Variants in KLF13 observed in about 807,000 individuals in gnomAD.
KLF13 encodes KLF transcription factor 13.
Under a neutral mutation model 16.7 loss-of-function variants are expected in KLF13, and 8 were observed. The ratio of observed to expected loss-of-function variants is 0.48; its 90% CI spans 0.28 to 0.87. The LOEUF is 0.87. KLF13 is among the 40% of genes least tolerant of loss of function. KLF13 has a pLI of 0.10. For missense variants in KLF13, 447 were observed against 452.2 expected, an observed-to-expected ratio of 0.99 and a Z score of 0.10; for synonymous variants, 245 against 208.4, an observed-to-expected ratio of 1.18 and a Z score of -1.51.
chr15:31,420,690 T>A (rs962320446), intron 1 of KLF13: 5 of 326,134 alleles, frequency 1.5e-5, no homozygotes, highest in Non-Finnish European at 2.9e-5. Context: ...CCTTTTTTTT[T>A]CTTTCTTTTT....
intron 1 of KLF13, among the ~76,000 whole-genome samples, chr15:31,346,353 G>A (rs951277128): frequency 1.9e-4 from 29 of 152,216 alleles, no homozygotes; most frequent in African/African-American, 7.0e-4. Context: ...AGCAGCTGCT[G>A]TCCTTCCCCT....
At position 31,394,312 on chromosome 15, in the gene KLF13, T is replaced by TA. The variant is rs1015154331; in HGVS notation, n.529+631dup. 9.6e-4 allele frequency among the ~76,000 whole-genome samples: 141 copies of TA among 147,376 alleles called. 2 individuals carry two copies. Among genetic ancestry groups the TA allele is most frequent in the African/African-American group, 2.0e-3 (81 of 40,276 alleles). On this transcript the variant is annotated intron_variant and non_coding_transcript_variant, in intron 2 of 2. Transcript: ENST00000500533. Reference sequence around the variant, plus strand: ...TAACACGGTGAAACCCCGTCTCTACTAAAAAAAAAATACAAAAACAAAAAA... The same window carrying TA: ...TAACACGGTGAAACCCCGTCTCTACTAAAAAAAAAAATACAAAAACAAAAAA...
At chr15:31,354,934 G>A (rs2039276746) in intron 1 of KLF13, among the ~76,000 whole-genome samples, 1 of 152,180 alleles carries the variant, frequency 6.6e-6, no homozygotes, top group South Asian at 2.1e-4. Context: ...AACAGTAAGT[G>A]TGAAGCAAAA....
At chr15:31,391,410 T>C (rs1308587461), upstream of KLF13, among the ~76,000 whole-genome samples, 5 of 31,762 alleles carry the variant, frequency 1.6e-4, no homozygotes, top group African/African-American at 6.8e-4. Context: ...TGTAGGGCTG[T>C]GGAGGGGGGA....
chr15:31,412,147 G>C (rs1440330499), intron 1 of KLF13, among the ~76,000 whole-genome samples: 3 of 152,168 alleles, frequency 2.0e-5, no homozygotes, highest in Non-Finnish European at 4.4e-5. Flanking sequence ...TTATAAAAAA[G>C]GCTCAAGGGA....
chr15:31,390,209 C>T (rs561126271), upstream of KLF13, among the ~76,000 whole-genome samples: 33 of 152,258 alleles, frequency 2.2e-4, no homozygotes, highest in African/African-American at 6.5e-4. Context: ...AGCACAGCCC[C>T]GGACTCCCTT....
intron 2 of KLF13, among the ~76,000 whole-genome samples, chr15:31,401,916 C>G (rs370331094): frequency 5.5e-4 from 84 of 152,310 alleles, no homozygotes; most frequent in African/African-American, 1.9e-3. Context: ...GAGTGGCACG[C>G]AAGCCTGCCT....
downstream of KLF13, chr15:31,404,779 G>C (rs548563073): frequency 1.3e-5 from 2 of 152,444 alleles, no homozygotes; most frequent in African/African-American, 2.4e-5. Flanking sequence ...CACTGTGAAG[G>C]TCCAGGACTT....
intron 1 of KLF13, among the ~76,000 whole-genome samples, chr15:31,433,725 G>T (rs1473089724): frequency 6.6e-6 from 1 of 151,748 alleles, no homozygotes; most frequent in East Asian, 1.9e-4. Context: ...GCCCTGTGAG[G>T]TCTCCCTGAG....
chr15:31,328,567 C>T (rs766515791), intron 1 of KLF13, among the ~76,000 whole-genome samples: 3 of 151,892 alleles, frequency 2.0e-5, no homozygotes, highest in Non-Finnish European at 4.4e-5. Context: ...GTGCTGCCCT[C>T]TCGCCTGCCC....
intron 1 of KLF13, among the ~76,000 whole-genome samples, chr15:31,356,471 G>A (rs1310796119): frequency 3.3e-5 from 5 of 152,218 alleles, no homozygotes; most frequent in Non-Finnish European, 7.3e-5. Flanking sequence ...AGACTCGCTT[G>A]AACCCGGGAG....
intron 1 of KLF13, among the ~76,000 whole-genome samples, chr15:31,424,753 A>G (rs1215901445): frequency 6.6e-6 from 1 of 152,194 alleles, no homozygotes; most frequent in African/African-American, 2.4e-5. Flanking sequence ...TATTCAACAT[A>G]GTAATGGAAG....
At chr15:31,407,210 G>C (rs1311240382), downstream of KLF13, among the ~76,000 whole-genome samples, 1 of 152,158 alleles carries the variant, frequency 6.6e-6, no homozygotes, top group Non-Finnish European at 1.5e-5. Flanking sequence ...GGGTGTGGTA[G>C]CTCACACCTG....
chr15:31,405,023 T>C (rs1217318960), downstream of KLF13, among the ~76,000 whole-genome samples: 1 of 152,210 alleles, frequency 6.6e-6, no homozygotes, highest in Admixed American at 6.5e-5. Context: ...GATATGCTTA[T>C]GCTGTAGATG....
intron 1 of KLF13, among the ~76,000 whole-genome samples, chr15:31,333,545 T>C (rs1186556811): frequency 1.3e-5 from 2 of 152,182 alleles, no homozygotes; most frequent in Non-Finnish European, 2.9e-5. Context: ...CACATTTTTC[T>C]CCTTTCCTCC....
At chr15:31,384,716 A>G (rs1318356112) in intron 1 of KLF13, among the ~76,000 whole-genome samples, 2 of 152,142 alleles carry the variant, frequency 1.3e-5, no homozygotes, top group Non-Finnish European at 2.9e-5. Flanking sequence ...ACATGTCCAC[A>G]CAAGGACAGA....
chr15:31,424,906 A>ACACACACAC (rs1566849363), intron 1 of KLF13, among the ~76,000 whole-genome samples: 1 of 48,520 alleles, frequency 2.1e-5, no homozygotes, highest in Non-Finnish European at 4.8e-5. Flanking sequence ...CACACACACA[A>ACACACACAC]AGCTCTTAGA....
At chr15:31,346,751 G>A (rs867689375) in intron 1 of KLF13, among the ~76,000 whole-genome samples, 1 of 152,240 alleles carries the variant, frequency 6.6e-6, no homozygotes, top group Non-Finnish European at 1.5e-5. Context: ...AGTTTCTAGC[G>A]AGGGACATCC....
intron 1 of KLF13, among the ~76,000 whole-genome samples, chr15:31,358,152 C>T (rs1380723922): frequency 6.6e-6 from 1 of 152,152 alleles, no homozygotes; most frequent in Non-Finnish European, 1.5e-5. Flanking sequence ...TTTGTTCTTG[C>T]CCAACAATGT....
Sources: gnomAD v4.1 joint callset for allele counts (sites outside exome capture counted in the v4.1 genomes callset) on GRCh38, gnomAD v4.1.1 for gene constraint, MANE v1.5 for transcripts, NCBI Gene and HGNC (gene_info 2026-07-23, HGNC 2026-07-21) for gene names.